LPP: variants seen among roughly 807,000 people sequenced by gnomAD.
LPP encodes the protein lipoma-preferred partner.
In LPP, 38 loss-of-function variants were observed where a neutral mutation model predicts 60.4. The observed-to-expected ratio is 0.63, with a 90% CI of 0.49 to 0.83. The LOEUF is 0.83. LPP is among the 40% of genes least tolerant of loss of function. LPP has a pLI of 0.00. For missense variants in LPP, 902 were observed against 783.6 expected, an observed-to-expected ratio of 1.15 and a Z score of -1.80; for synonymous variants, 328 against 290.8, an observed-to-expected ratio of 1.13 and a Z score of -1.30.
At chr3:188,535,050 A>G (rs939040654) in intron 6 of LPP, among the ~76,000 whole-genome samples, 45 of 139,924 alleles carry the variant, frequency 3.2e-4, no homozygotes, top group African/African-American at 1.0e-3. Flanking sequence ...GAAATGAAAT[A>G]TACAAAGTGA....
At chr3:188,622,339 C>G (rs1226353877) in intron 7 of LPP, among the ~76,000 whole-genome samples, 1 of 152,114 alleles carries the variant, frequency 6.6e-6, no homozygotes, top group African/African-American at 2.4e-5. Context: ...CATTAATAGG[C>G]TCATTTTCCA....
intron 3 of LPP, among the ~76,000 whole-genome samples, chr3:188,363,688 C>T (rs1003112613): frequency 5.9e-5 from 9 of 152,092 alleles, no homozygotes; most frequent in African/African-American, 1.9e-4. Context: ...GGGCAGATCA[C>T]GAGGTCAGGA....
intron 2 of LPP, among the ~76,000 whole-genome samples, chr3:188,270,594 T>C (rs975262323): frequency 6.6e-6 from 1 of 152,188 alleles, no homozygotes; most frequent in African/African-American, 2.4e-5. Context: ...GTGCCATATA[T>C]GGCGAAAAGA....
At chr3:188,307,601 G>T (rs567970064) in intron 2 of LPP, among the ~76,000 whole-genome samples, 1 of 152,128 alleles carries the variant, frequency 6.6e-6, no homozygotes, top group African/African-American at 2.4e-5. Flanking sequence ...CTCCGTGAGC[G>T]CCAGGATTTA....
chr3:188,343,716 G>A (rs545369235), intron 3 of LPP, among the ~76,000 whole-genome samples: 99 of 152,192 alleles, frequency 6.5e-4, no homozygotes, highest in Non-Finnish European at 1.3e-3. Flanking sequence ...TTCTCTTTTC[G>A]TTATATTTTG....
intron 8 of LPP, among the ~76,000 whole-genome samples, chr3:188,730,589 C>G (rs1314326982): frequency 6.6e-6 from 1 of 152,240 alleles, no homozygotes. Context: ...CCTTTCTTCC[C>G]TTTGTCATTC....
chr3:188,677,140 G>A (rs1236558678), intron 7 of LPP, among the ~76,000 whole-genome samples: 4 of 152,130 alleles, frequency 2.6e-5, no homozygotes, highest in Non-Finnish European at 5.9e-5. Context: ...AACTTTGCTT[G>A]TAGACAATGA....
At position 188,485,806 on chromosome 3, in the gene LPP, AAAAAAAAAT is replaced by A. The variant is rs1806300456; in HGVS notation, c.306+1103_306+1111del. On this transcript the variant is annotated intron_variant, in intron 5 of 11. Transcript: ENST00000617246. ...AGCGAGACTCCGTCTCAAAAAAAAA[AAAAAAAAAT>A]GGAATGGTGTCTGGTAATTATTTTC... Among the ~76,000 whole-genome samples, 3 of 145,906 alleles carry A rather than the reference AAAAAAAAAT, an allele frequency of 2.1e-5. 1 individual carries two copies. The highest frequency in any genetic ancestry group is 7.8e-5 in the African/African-American group (3 of 38,616).
At chr3:188,411,932 A>G (rs1784975941) in intron 4 of LPP, among the ~76,000 whole-genome samples, 1 of 151,640 alleles carries the variant, frequency 6.6e-6, no homozygotes, top group Admixed American at 6.6e-5. Flanking sequence ...AACCACGATT[A>G]CTTTTGCACC....
chr3:188,595,567 A>G (rs1427240627), intron 6 of LPP, among the ~76,000 whole-genome samples: 1 of 152,222 alleles, frequency 6.6e-6, no homozygotes, highest in Non-Finnish European at 1.5e-5. Flanking sequence ...TCCAGCTAAT[A>G]GTGTGTAGAA....
At chr3:188,475,513 G>A (rs1481058910) in intron 4 of LPP, among the ~76,000 whole-genome samples, 2 of 152,188 alleles carry the variant, frequency 1.3e-5, no homozygotes, top group South Asian at 2.1e-4. Flanking sequence ...CATCTCATGA[G>A]CTGTAGACAA....
At chr3:188,795,509 G>A (rs988882214) in intron 9 of LPP, among the ~76,000 whole-genome samples, 14 of 152,188 alleles carry the variant, frequency 9.2e-5, no homozygotes, top group Admixed American at 7.9e-4. Flanking sequence ...ACAGTGGTGG[G>A]ATGGTTACAG....
rs906619037 is a variant in LPP, at chr3:188,846,228, A to G, written c.1411-19972A>G. Among the ~76,000 whole-genome samples, 3 of 152,222 alleles carry G rather than the reference A, an allele frequency of 2.0e-5. No individual in the cohort carries two copies. In the South Asian group the frequency reaches 6.2e-4, roughly 32 times the overall value. On this transcript the variant is annotated intron_variant, in intron 9 of 11. Transcript: ENST00000617246. ...ACAGGAGTATACCCGCAAAAGTTAT[A>G]TGGGTGAAGAAAGAAGGATTAATTA... is the stretch of plus-strand genomic sequence containing the variant.
chr3:188,486,720 G>A (rs1806656663), intron 5 of LPP, among the ~76,000 whole-genome samples: 1 of 152,154 alleles, frequency 6.6e-6, no homozygotes. Context: ...TGAAAAATAT[G>A]TGTATTGCAA....
At chr3:188,620,317 G>A (rs922384041) in intron 7 of LPP, among the ~76,000 whole-genome samples, 1 of 152,040 alleles carries the variant, frequency 6.6e-6, no homozygotes, top group African/African-American at 2.4e-5. Flanking sequence ...CCAATGAGCA[G>A]TGACTTTTCT....
chr3:188,407,780 G>GGTT (rs1783921243), intron 4 of LPP, among the ~76,000 whole-genome samples: 1 of 94,898 alleles, frequency 1.1e-5, no homozygotes, highest in Non-Finnish European at 2.1e-5. Flanking sequence ...TTTTTTTTTT[G>GGTT]TTTGTTTGTT....
intron 2 of LPP, among the ~76,000 whole-genome samples, chr3:188,267,788 T>C (rs1736098004): frequency 6.6e-6 from 1 of 152,196 alleles, no homozygotes; most frequent in Non-Finnish European, 1.5e-5. Context: ...GAAACCCTTT[T>C]AGCATGCTCA....
intron 8 of LPP, among the ~76,000 whole-genome samples, chr3:188,727,239 G>A (rs540014840): frequency 1.3e-5 from 2 of 152,132 alleles, no homozygotes; most frequent in Non-Finnish European, 2.9e-5. Context: ...GTGATAGGGG[G>A]TTTTGGAGGA....
At chr3:188,264,504 G>A (rs1014876716) in intron 2 of LPP, among the ~76,000 whole-genome samples, 7 of 152,268 alleles carry the variant, frequency 4.6e-5, no homozygotes, top group African/African-American at 1.7e-4. Context: ...GGTATAAAAT[G>A]TAAAATGAAT....
Sources: gnomAD v4.1 joint callset for allele counts (sites outside exome capture counted in the v4.1 genomes callset) on GRCh38, gnomAD v4.1.1 for gene constraint, MANE v1.5 for transcripts, NCBI Gene and HGNC (gene_info 2026-07-23, HGNC 2026-07-21) for gene names.